The following GRM7 variants were observed in gnomAD, a reference collection of about 807,000 sequenced individuals.
GRM7 encodes metabotropic glutamate receptor 7.
A neutral mutation model predicts 84.5 loss-of-function variants in GRM7; 35 were observed. The observed-to-expected ratio is 0.41, with a 90% CI of 0.32 to 0.55. The LOEUF is 0.55. Ranked by LOEUF, GRM7 falls within the 20% of genes least tolerant of loss-of-function variation. The pLI is 0.19. For synonymous variants in GRM7, 487 were observed against 455.1 expected (o/e 1.07, Z -0.89); for missense variants, 1,003 against 1,194.6 (o/e 0.84, Z 2.36).
chr3:6,921,303 G>A lies in GRM7; in HGVS notation c.519+59396G>A, dbSNP rs185751524. ...TAGGTGACAGCTAATGATTCAGAAA[G>A]CAATTTCCATGAGAGCCTTCTGCTG... On this transcript the variant is annotated intron_variant, in intron 1 of 9. Coordinates refer to ENST00000357716, the MANE Select transcript of GRM7 (RefSeq NM_000844.4). Among the ~76,000 whole-genome samples, 18 of 152,304 alleles carry A rather than the reference G, an allele frequency of 1.2e-4. No homozygotes were observed. In the East Asian group the frequency reaches 3.3e-3, roughly 28 times the overall value.
chr3:7,487,022 G>T (rs1157073166), intron 7 of GRM7, among the ~76,000 whole-genome samples: 1 of 152,160 alleles, frequency 6.6e-6, no homozygotes, highest in Non-Finnish European at 1.5e-5. Context: ...TTCTAATGAA[G>T]TCTTAGATAA....
intron 2 of GRM7, among the ~76,000 whole-genome samples, chr3:7,155,462 C>T (rs755431166): frequency 7.3e-5 from 11 of 151,138 alleles, no homozygotes; most frequent in South Asian, 2.1e-4. Context: ...TTCATTAAAA[C>T]AGAGGCATGA....
intron 6 of GRM7, among the ~76,000 whole-genome samples, chr3:7,458,703 G>A (rs571957367): frequency 7.9e-5 from 12 of 152,310 alleles, no homozygotes; most frequent in African/African-American, 2.9e-4. Flanking sequence ...GTGCACTTGA[G>A]TTCCTCTGGA....
At chr3:7,694,072 G>A (rs1174255268) in intron 9 of GRM7, among the ~76,000 whole-genome samples, 1 of 152,044 alleles carries the variant, frequency 6.6e-6, no homozygotes, top group Non-Finnish European at 1.5e-5. Context: ...CATTCATGGG[G>A]GGTTCTGACC....
chr3:7,649,047 G>T (rs1162093307), intron 8 of GRM7, among the ~76,000 whole-genome samples: 1 of 152,022 alleles, frequency 6.6e-6, no homozygotes, highest in East Asian at 1.9e-4. Context: ...CAGGGAAAAT[G>T]ACAGCCTCAG....
chr3:7,485,361 C>T lies in GRM7; in HGVS notation c.1515+23639C>T, dbSNP rs193028234. 1.4e-4 allele frequency among the ~76,000 whole-genome samples: 22 copies of T among 152,264 alleles called. No individual in the cohort carries two copies. The East Asian group carries it at 3.5e-3, about 24-fold the overall frequency. ...GTGAAATGTTCCTTAAGGAGTTTCT[C>T]AACTCACCTACTGAAAGTACCTGGC... is the stretch of plus-strand genomic sequence containing the variant. On this transcript the variant is annotated intron_variant, in intron 7 of 9. Coordinates refer to ENST00000357716, the MANE Select transcript of GRM7 (RefSeq NM_000844.4).
chr3:6,931,049 C>G (rs1697482577), intron 1 of GRM7, among the ~76,000 whole-genome samples: 1 of 152,170 alleles, frequency 6.6e-6, no homozygotes, highest in Non-Finnish European at 1.5e-5. Context: ...AGGAGCCAGG[C>G]TTTGTATCCA....
intron 8 of GRM7, among the ~76,000 whole-genome samples, chr3:7,648,248 GTTTT>G (rs60434793): frequency 1.4e-5 from 2 of 146,018 alleles, no homozygotes; most frequent in African/African-American, 5.0e-5. Context: ...GCTATAAATA[GTTTT>G]TTTTTTATGT....
intron 2 of GRM7, among the ~76,000 whole-genome samples, chr3:7,205,688 G>T (rs1049933459): frequency 1.3e-5 from 2 of 152,160 alleles, no homozygotes; most frequent in African/African-American, 2.4e-5. Context: ...TATGTGGTAT[G>T]GTGATTCACC....
Position 7,451,390 on chromosome 3 carries a change from T to C in GRM7, c.1175-1217T>C, listed in dbSNP as rs117718342. On this transcript the variant is annotated intron_variant, in intron 5 of 9. Coordinates refer to ENST00000357716, the MANE Select transcript of GRM7 (RefSeq NM_000844.4). ...TGAAATGTTTTACGGGAATGTTGAA[T>C]TGCGACTGAGCGCCTCGGTGTGACA... Among the ~76,000 whole-genome samples the C allele has an allele frequency of 3.3e-3, 495 of 152,298 alleles. 2 individuals carry two copies. Among genetic ancestry groups the C allele is most frequent in the East Asian group, 0.021 (106 of 5,168 alleles).
intron 1 of GRM7, among the ~76,000 whole-genome samples, chr3:7,058,476 T>C (rs1346056904): frequency 6.6e-6 from 1 of 151,922 alleles, no homozygotes; most frequent in African/African-American, 2.4e-5. Flanking sequence ...TAGATGTTGA[T>C]GTCAATATTT....
chr3:7,531,056 C>T (rs960505222), intron 7 of GRM7, among the ~76,000 whole-genome samples: 3 of 152,094 alleles, frequency 2.0e-5, no homozygotes, highest in African/African-American at 7.2e-5. Context: ...CCTACAGTTT[C>T]TTCTAGGGTT....
At chr3:7,293,034 C>CAAAAAAAAAAAAAAA (rs142561309) in intron 2 of GRM7, among the ~76,000 whole-genome samples, 60 of 120,538 alleles carry the variant, frequency 5.0e-4, no homozygotes, top group African/African-American at 1.8e-3. Flanking sequence ...GACTTGGTCT[C>CAAAAAAAAAAAAAAA]AAAAAAAAAA....
At chr3:7,399,932 A>G (rs1368867922) in intron 4 of GRM7, among the ~76,000 whole-genome samples, 1 of 152,176 alleles carries the variant, frequency 6.6e-6, no homozygotes, top group Admixed American at 6.5e-5. Flanking sequence ...GCGCAGCCTC[A>G]GGTATTCCTT....
At chr3:7,024,040 A>G (rs904378570) in intron 1 of GRM7, among the ~76,000 whole-genome samples, 5 of 151,896 alleles carry the variant, frequency 3.3e-5, no homozygotes, top group African/African-American at 1.2e-4. Context: ...CAGCAGGCCC[A>G]CTCCCTTACA....
At chr3:7,422,120 C>A (rs1666381599) in intron 5 of GRM7, among the ~76,000 whole-genome samples, 1 of 151,840 alleles carries the variant, frequency 6.6e-6, no homozygotes, top group Non-Finnish European at 1.5e-5. Context: ...AGGGCCATAG[C>A]AGTAAACTTT....
intron 1 of GRM7, among the ~76,000 whole-genome samples, chr3:7,114,773 G>T (rs1409611023): frequency 6.6e-6 from 1 of 152,118 alleles, no homozygotes; most frequent in African/African-American, 2.4e-5. Context: ...CAGGTCTGGG[G>T]TAAAAGTCAG....
chr3:7,267,498 G>C (rs1698686310), intron 2 of GRM7, among the ~76,000 whole-genome samples: 1 of 152,202 alleles, frequency 6.6e-6, no homozygotes, highest in South Asian at 2.1e-4. Flanking sequence ...TAGTTTTGGA[G>C]ACTCAGGGAA....
intron 7 of GRM7, among the ~76,000 whole-genome samples, chr3:7,474,195 T>A (rs3804960): frequency 0.036 from 5,430 of 152,082 alleles, 320 homozygotes; most frequent in African/African-American, 0.12. Flanking sequence ...TAATATACTG[T>A]TGTTGCTTAA....
Sources: gnomAD v4.1 joint callset for allele counts (sites outside exome capture counted in the v4.1 genomes callset) on GRCh38, gnomAD v4.1.1 for gene constraint, MANE v1.5 for transcripts, NCBI Gene and HGNC (gene_info 2026-07-23, HGNC 2026-07-21) for gene names.